TMPO: variants seen among roughly 807,000 people sequenced by gnomAD.
The protein encoded by TMPO is LEM domain containing 4.
TMPO carries 22 observed loss-of-function variants against 45.4 expected under a neutral mutation model. That is an observed-to-expected ratio of 0.48 (90% CI 0.35 to 0.69). TMPO has a LOEUF of 0.69. Ranked by LOEUF, TMPO falls within the 30% of genes least tolerant of loss-of-function variation. The probability of loss-of-function intolerance (pLI) is 0.01; values close to 1 mark genes in which losing one functional copy is unlikely to be tolerated. For synonymous variants in TMPO, 241 were observed against 204.1 expected, an observed-to-expected ratio of 1.18 and a Z score of -1.54; for missense variants, 512 against 548.8, an observed-to-expected ratio of 0.93 and a Z score of 0.67.
Position 98,532,682 on chromosome 12 carries a change from AG to A in TMPO, c.565+847del. The A allele has an allele frequency of 1.7e-6, 2 of 1,178,350 alleles. 1 individual carries two copies. Among genetic ancestry groups the A allele is most frequent in the South Asian group, 2.7e-5 (2 of 72,858 alleles). The allele number at this position is 1,178,350 out of a possible 1,614,324, so 73.0% of individuals were successfully genotyped here. On this transcript the variant is annotated intron_variant, in intron 3 of 8. Coordinates refer to ENST00000556029, the MANE Select transcript of TMPO (RefSeq NM_001032283.3). ...TATATCTCAATAAGCTTTGTCTACC[AG>A]GGCAAATCTGGCAGATTAGTTCAGA...
chr12:98,544,866 C>A, intron 6 of TMPO, 85 bp from the exon 7 acceptor site: 2 of 1,133,414 alleles, frequency 1.8e-6, no homozygotes, highest in Non-Finnish European at 2.7e-6. Context: ...TCTAATATTA[C>A]AGAGATAAAA....
chr12:98,519,853 A>T (rs1018300076), intron 1 of TMPO, among the ~76,000 whole-genome samples: 2 of 152,208 alleles, frequency 1.3e-5, no homozygotes, highest in Non-Finnish European at 2.9e-5. Context: ...GTGTAAAATT[A>T]TTCATGTCAA....
Position 98,534,288 on chromosome 12 carries a change from A to G in TMPO, c.565+2450A>G, listed in dbSNP as rs267603733. 1 of 1,613,470 alleles carries G rather than the reference A, an allele frequency of 6.2e-7. No individual in the cohort carries two copies. Among genetic ancestry groups the G allele is most frequent in the African/African-American group, 1.3e-5 (1 of 75,070 alleles). On this transcript the variant is annotated intron_variant, in intron 3 of 8. Coordinates refer to ENST00000556029, the MANE Select transcript of TMPO (RefSeq NM_001032283.3). ...CTTCCACTCCCTTTAAAGGTGGAAC[A>G]TTATTTGGAGGAGAAGTATGCAAAG...
Position 98,545,038 on chromosome 12 carries a change from A to G in TMPO, c.967A>G (p.Lys323Glu), listed in dbSNP as rs1044280698. 6.2e-7 allele frequency: 1 copy of G among 1,613,390 alleles called. No homozygotes were observed. Among genetic ancestry groups the G allele is most frequent in the Non-Finnish European group, 8.5e-7 (1 of 1,179,512 alleles). ...CTCAGACATACCCAGAAGAGCACCA[A>G]AGAAACCATTGACAAGAGCTGAAGT... ...EFSDIPRRAP[K>E]KPLTRAEVGE... is the part of the protein sequence containing the mutation. Residue 323 changes from lysine to glutamate, a missense_variant, in exon 7 of 9, where the codon AAG (lysine) becomes GAG (glutamate). Transcript: ENST00000556029.
chr12:98,537,422 C>A, intron 3 of TMPO, 53 bp from the exon 4 acceptor site: 1 of 1,418,976 alleles, frequency 7.0e-7, no homozygotes, highest in Non-Finnish European at 9.9e-7. Context: ...AGGATAACAT[C>A]ATCATTTATT....
At position 98,548,106 on chromosome 12, in the gene TMPO, G is replaced by T; in HGVS notation, c.*248G>T. 7 of 376,488 alleles carry T rather than the reference G, an allele frequency of 1.9e-5. No homozygotes were observed. Among genetic ancestry groups the T allele is most frequent in the South Asian group, 4.6e-5 (1 of 21,798 alleles). 23.3% of individuals were successfully genotyped at this position (376,488 alleles called of 1,614,324 possible). ...TTTTTTAGCTCTGGAACTTTTTGTA[G>T]GCTTTATTTTTTTAATGTGGGCATC... is the stretch of plus-strand genomic sequence containing the variant. On this transcript the variant is annotated 3_prime_UTR_variant, in exon 9 of 9. Coordinates refer to ENST00000556029, the MANE Select transcript of TMPO (RefSeq NM_001032283.3).
intron 1 of TMPO, 131 bp downstream of exon 1, chr12:98,516,277 CT>C (rs1448926406): frequency 2.4e-6 from 3 of 1,247,972 alleles, no homozygotes; most frequent in South Asian, 7.0e-5. Flanking sequence ...CCTGCGCCCC[CT>C]CGCGTCGCCC....
chr12:98,518,350 G>A (rs1876051840), intron 1 of TMPO, among the ~76,000 whole-genome samples: 1 of 151,988 alleles, frequency 6.6e-6, no homozygotes, highest in African/African-American at 2.4e-5. Context: ...GGAGTGCAGG[G>A]ATGTGATCAT....
chr12:98,534,677 C>G (rs1450857397), intron 3 of TMPO: 1 of 1,123,146 alleles, frequency 8.9e-7, no homozygotes, highest in African/African-American at 1.6e-5. Context: ...ATTTACTGTT[C>G]AATAGAATAA....
chr12:98,518,688 G>A (rs199654831), intron 1 of TMPO, among the ~76,000 whole-genome samples: 1 of 151,672 alleles, frequency 6.6e-6, no homozygotes, highest in Admixed American at 6.6e-5. Context: ...TGTTCTTTTG[G>A]GGGGTAAGAA....
At position 98,515,746 on chromosome 12, in the gene TMPO, C is replaced by T; in HGVS notation, c.-122C>T. Reference sequence around the variant, plus strand: ...CGAGTTTTTGTTCCGCTCCGCAGCGCTCTTCCCGGGCAGGAGCCGTGAGGC... The same window carrying T: ...CGAGTTTTTGTTCCGCTCCGCAGCGTTCTTCCCGGGCAGGAGCCGTGAGGC... On this transcript the variant is annotated 5_prime_UTR_variant, in exon 1 of 9. Coordinates refer to ENST00000556029, the MANE Select transcript of TMPO (RefSeq NM_001032283.3). The T allele has an allele frequency of 1.3e-6, 2 of 1,537,690 alleles. No homozygotes were observed. Among genetic ancestry groups the T allele is most frequent in the Admixed American group, 4.0e-5 (2 of 49,406 alleles).
chr12:98,523,149 T>C (rs964999960), intron 1 of TMPO, among the ~76,000 whole-genome samples: 1 of 152,230 alleles, frequency 6.6e-6, no homozygotes, highest in Non-Finnish European at 1.5e-5. Flanking sequence ...TTTTCCTGAC[T>C]GAAACTGCTA....
At position 98,534,178 on chromosome 12, in the gene TMPO, C is replaced by T; in HGVS notation, c.565+2340C>T. On this transcript the variant is annotated intron_variant, in intron 3 of 8. Coordinates refer to ENST00000556029, the MANE Select transcript of TMPO (RefSeq NM_001032283.3). Reference sequence around the variant, plus strand: ...ATTTGATGAAGTGAAGATGGCTGCCCATACCATGGGAAATGCCACTGTAGG... The same window carrying T: ...ATTTGATGAAGTGAAGATGGCTGCCTATACCATGGGAAATGCCACTGTAGG... The T allele has an allele frequency of 1.2e-6, 2 of 1,613,920 alleles. No individual in the cohort carries two copies. The highest frequency in any genetic ancestry group is 2.2e-5 in the South Asian group (2 of 91,080).
intron 4 of TMPO, among the ~76,000 whole-genome samples, chr12:98,538,699 C>A (rs938143473): frequency 1.2e-4 from 18 of 152,206 alleles, no homozygotes; most frequent in African/African-American, 4.1e-4. Flanking sequence ...ATTCTTGATT[C>A]CTTAAGGCAA....
chr12:98,547,838 G>T lies in TMPO; in HGVS notation c.1345G>T (p.Asp449Tyr). ...TCCCTTCTCTAATTTTCTTCATGTT[G>T]ACCCTAGAAAATCCAACTGAATGGT... ...VNPFSNFLHVDPRKSN is the reference protein window; with the variant it reads ...VNPFSNFLHVYPRKSN The change falls in exon 9 of 9, where the codon GAC (aspartate) becomes TAC (tyrosine). Residue 449 changes from aspartate to tyrosine, a missense_variant. Asp to Tyr is a radical substitution (Grantham distance 160). This residue lies in a region of TMPO where 209 missense variants were observed against 235.1 expected (regional missense o/e 0.89). Coordinates refer to ENST00000556029, the MANE Select transcript of TMPO (RefSeq NM_001032283.3). 1 of 1,613,912 alleles carries T rather than the reference G, an allele frequency of 6.2e-7. No homozygotes were observed. Among genetic ancestry groups the T allele is most frequent in the South Asian group, 1.1e-5 (1 of 90,998 alleles).
rs750751621 is a variant in TMPO, at chr12:98,532,945, C to T, written c.565+1107C>T. 28 of 1,614,014 alleles carry T rather than the reference C, an allele frequency of 1.7e-5. No individual in the cohort carries two copies. In the Admixed American group the frequency reaches 2.5e-4, roughly 14 times the overall value. On this transcript the variant is annotated intron_variant, in intron 3 of 8. Transcript: ENST00000556029. ...TATTTCTTTTCCTGAAATCTCCACC[C>T]GTCCTCCTTTGGGCAGTACCGAACT... is the stretch of plus-strand genomic sequence containing the variant.
In TMPO at chr12:98,544,360, G is replaced by T. The variant is rs770534955; in HGVS notation, c.783+11G>T. 6.2e-6 allele frequency: 10 copies of T among 1,613,802 alleles called. No individual in the cohort carries two copies. The highest frequency in any genetic ancestry group is 8.5e-6 in the Non-Finnish European group (10 of 1,179,874). On this transcript the variant is annotated intron_variant, in intron 5 of 8. Transcript: ENST00000556029. ...ACTCCAAGGAAAAGGGTGATGCAAG[G>T]CTTATTCCTTGGGTTTTCAGATTTG...
chr12:98,533,478 C>CA (rs1279872516), intron 3 of TMPO: 2 of 1,614,028 alleles, frequency 1.2e-6, no homozygotes, highest in African/African-American at 2.7e-5. Flanking sequence ...ATGTAGAAAA[C>CA]ATACAGAAGA....
chr12:98,536,029 G>A (rs1877546286), intron 3 of TMPO, among the ~76,000 whole-genome samples: 1 of 152,184 alleles, frequency 6.6e-6, no homozygotes, highest in South Asian at 2.1e-4. Context: ...TGATAGAAGT[G>A]TTGGGAGATG....
Sources: gnomAD v4.1 joint callset for allele counts (sites outside exome capture counted in the v4.1 genomes callset) on GRCh38, gnomAD v4.1.1 for gene constraint, gnomAD v4.1.1 regional missense constraint, MANE v1.5 for transcripts, NCBI Gene and HGNC (gene_info 2026-07-23, HGNC 2026-07-21) for gene names.